The following BCL9 variants were observed in gnomAD, a reference collection of about 807,000 sequenced individuals.
BCL9 encodes the protein BCL9 transcription coactivator.
In BCL9, 25 loss-of-function variants were observed where a neutral mutation model predicts 88.5. The observed-to-expected ratio is 0.28, with a 90% CI of 0.21 to 0.39. The LOEUF is 0.39. Ranked by LOEUF, BCL9 falls within the 10% of genes least tolerant of loss-of-function variation. BCL9 has a pLI of 1.00. For missense variants in BCL9, 1,817 were observed against 1,877.8 expected (o/e 0.97, Z 0.60); for synonymous variants, 711 against 673.3 (o/e 1.06, Z -0.87).
At chr1:147,575,947 G>C (rs587606851) in intron 1 of BCL9, among the ~76,000 whole-genome samples, 1 of 152,004 alleles carries the variant, frequency 6.6e-6, no homozygotes, top group Admixed American at 6.5e-5. Context: ...TGTGGTTTTG[G>C]CACACCCTAA....
At chr1:147,554,740 GA>G (rs1655030429) in intron 1 of BCL9, among the ~76,000 whole-genome samples, 4 of 152,138 alleles carry the variant, frequency 2.6e-5, no homozygotes. Context: ...ACTTCTATGA[GA>G]CCTAGTTTCT....
chr1:147,571,673 G>A (rs1292985867), intron 1 of BCL9, among the ~76,000 whole-genome samples: 3 of 152,164 alleles, frequency 2.0e-5, no homozygotes, highest in Admixed American at 2.0e-4. Context: ...ATCAGAGAGA[G>A]GAAATGGCCT....
Position 147,625,069 on chromosome 1 carries a change from A to G in BCL9, c.*110A>G. 7.3e-7 allele frequency: 1 copy of G among 1,372,072 alleles called. No homozygotes were observed. The highest frequency in any genetic ancestry group is 9.8e-7 in the Non-Finnish European group (1 of 1,025,514). 85.0% of individuals were successfully genotyped at this position (1,372,072 alleles called of 1,614,324 possible). The stretch of plus-strand genomic sequence containing the variant: ...ACTATTGGTCATGCAATAGGAGAAC[A>G]GAGACCCGAGGGCTGCTTTGGGGGA... On this transcript the variant is annotated 3_prime_UTR_variant, in exon 10 of 10. Transcript: ENST00000234739.
chr1:147,597,509 T>G (rs1345470233), intron 1 of BCL9, among the ~76,000 whole-genome samples: 4 of 152,228 alleles, frequency 2.6e-5, no homozygotes, highest in Non-Finnish European at 5.9e-5. Context: ...AGTACCAGTT[T>G]GAAGCTCTTA....
At chr1:147,597,813 ATT>A (rs1443476574) in intron 1 of BCL9, among the ~76,000 whole-genome samples, 1 of 152,214 alleles carries the variant, frequency 6.6e-6, no homozygotes, top group Admixed American at 6.5e-5. Flanking sequence ...CAATAGTATT[ATT>A]CTTTTACCCT....
intron 1 of BCL9, among the ~76,000 whole-genome samples, chr1:147,567,153 G>C (rs77546736): frequency 0.029 from 4,387 of 152,218 alleles, 110 homozygotes; most frequent in Non-Finnish European, 0.043. Flanking sequence ...TCTAAGAAAA[G>C]CAACCCCTTC....
At chr1:147,557,654 T>A (rs1655178952) in intron 1 of BCL9, among the ~76,000 whole-genome samples, 1 of 152,184 alleles carries the variant, frequency 6.6e-6, no homozygotes, top group Non-Finnish European at 1.5e-5. Flanking sequence ...TGGAAAGTTG[T>A]AGAATATTTA....
At chr1:147,576,382 G>T (rs190535166) in intron 1 of BCL9, among the ~76,000 whole-genome samples, 7 of 152,142 alleles carry the variant, frequency 4.6e-5, no homozygotes. Context: ...CATTTTAAAG[G>T]TATTATTTCT....
At chr1:147,588,374 G>C (rs1292777693) in intron 1 of BCL9, among the ~76,000 whole-genome samples, 4 of 150,754 alleles carry the variant, frequency 2.7e-5, no homozygotes, top group African/African-American at 7.3e-5. Context: ...CCACTACTTT[G>C]ACCTTAAACT....
intron 1 of BCL9, among the ~76,000 whole-genome samples, chr1:147,570,230 A>G (rs1655817433): frequency 1.3e-5 from 2 of 152,224 alleles, no homozygotes; most frequent in African/African-American, 4.8e-5. Flanking sequence ...GAATGAAAAG[A>G]GAAAGTCTTG....
intron 9 of BCL9, 54 bp from the exon 10 acceptor site, chr1:147,623,788 T>C (rs1658777927): frequency 6.5e-7 from 1 of 1,537,894 alleles, no homozygotes; most frequent in Non-Finnish European, 8.8e-7. Flanking sequence ...TATTATAGTT[T>C]TTCTGAGTTG....
At chr1:147,581,077 T>C (rs1656342727) in intron 1 of BCL9, among the ~76,000 whole-genome samples, 1 of 152,180 alleles carries the variant, frequency 6.6e-6, no homozygotes, top group Non-Finnish European at 1.5e-5. Context: ...GGAAGTGGGT[T>C]TGAAACCTGG....
At chr1:147,573,672 A>C (rs1316957254) in intron 1 of BCL9, among the ~76,000 whole-genome samples, 1 of 152,128 alleles carries the variant, frequency 6.6e-6, no homozygotes, top group East Asian at 1.9e-4. Context: ...CAATTTCCTT[A>C]TCTCTAAAAT....
chr1:147,593,756 T>A (rs2101576499), intron 1 of BCL9, among the ~76,000 whole-genome samples: 1 of 152,248 alleles, frequency 6.6e-6, no homozygotes, highest in East Asian at 1.9e-4. Flanking sequence ...ATTTTTTGTA[T>A]CCCCCAAGCC....
In BCL9 at chr1:147,620,398, T is replaced by C. The variant is rs995193904; in HGVS notation, c.2243T>C (p.Leu748Pro). ...GCTGGGGCGGGCCCTGAGGAGATGCTGAAATTACGCCCAGGTGGCTCAGAC... is the reference window on the plus strand; with the variant it reads ...GCTGGGGCGGGCCCTGAGGAGATGCCGAAATTACGCCCAGGTGGCTCAGAC... The part of the protein sequence containing the change: ...REAGAGPEEM[L>P]KLRPGGSDML... Residue 748 changes from leucine (L) to proline (P), a missense_variant, in exon 8 of 10, where the codon CTG (leucine) becomes CCG (proline). This residue lies in a region of BCL9 where 1,228 missense variants were observed against 1,191.6 expected (regional missense o/e 1.03). Coordinates refer to ENST00000234739, the MANE Select transcript of BCL9 (RefSeq NM_004326.4). The C allele has an allele frequency of 3.7e-6, 6 of 1,613,928 alleles. No homozygotes were observed. The highest frequency in any genetic ancestry group is 4.2e-6 in the Non-Finnish European group (5 of 1,180,006).
chr1:147,594,919 C>A (rs1468774143), intron 1 of BCL9, among the ~76,000 whole-genome samples: 1 of 152,078 alleles, frequency 6.6e-6, no homozygotes, highest in Non-Finnish European at 1.5e-5. Flanking sequence ...AAAAAGGGTA[C>A]TAATGTAAGA....
At chr1:147,623,798 G>C in intron 9 of BCL9, 44 bp from the exon 10 acceptor site, 1 of 1,556,524 alleles carries the variant, frequency 6.4e-7, no homozygotes, top group Non-Finnish European at 8.7e-7. Context: ...TTTCTGAGTT[G>C]ATTTTTGGTT....
chr1:147,547,885 T>C (rs1330852426), intron 1 of BCL9, among the ~76,000 whole-genome samples: 1 of 152,256 alleles, frequency 6.6e-6, no homozygotes, highest in Non-Finnish European at 1.5e-5. Flanking sequence ...AAGCATATTC[T>C]ACATATTATT....
At chr1:147,585,906 T>G (rs1304554376) in intron 1 of BCL9, among the ~76,000 whole-genome samples, 1 of 152,096 alleles carries the variant, frequency 6.6e-6, no homozygotes, top group Non-Finnish European at 1.5e-5. Flanking sequence ...GGTTTATAGC[T>G]CAGAGCTCCT....
Sources: gnomAD v4.1 joint callset for allele counts (sites outside exome capture counted in the v4.1 genomes callset) on GRCh38, gnomAD v4.1.1 for gene constraint, gnomAD v4.1.1 regional missense constraint, MANE v1.5 for transcripts, NCBI Gene and HGNC (gene_info 2026-07-23, HGNC 2026-07-21) for gene names.